SHISA9: variants seen among roughly 807,000 people sequenced by gnomAD.
SHISA9 encodes shisa family member 9.
In SHISA9, 13 loss-of-function variants were observed where a neutral mutation model predicts 38.0. The observed-to-expected ratio is 0.34, with a 90% confidence interval of 0.22 to 0.54. The LOEUF is 0.54. SHISA9 is among the 20% of genes least tolerant of loss of function. SHISA9 has a pLI of 0.91. For synonymous variants in SHISA9, 275 were observed against 242.0 expected (o/e 1.14, Z -1.27); for missense variants, 538 against 575.8 (o/e 0.93, Z 0.67).
At position 13,235,832 on chromosome 16, in the gene SHISA9, T is replaced by C. The variant is rs1040941531; in HGVS notation, c.*423T>C. The C allele has an allele frequency of 6.1e-6, 1 of 163,358 alleles. No homozygotes were observed. The highest frequency in any genetic ancestry group is 1.3e-5 in the Non-Finnish European group (1 of 75,640). The allele number at this position is 163,358 out of a possible 1,614,324, so 10.1% of individuals were successfully genotyped here. ...TACACTACTTGCCACGTGCTGTCTG[T>C]TTCTAGGTTCGAAAGCCAGGGTGGA... On this transcript the variant is annotated 3_prime_UTR_variant, in exon 5 of 5. Transcript: ENST00000558583.
At chr16:13,400,342 T>C in the SHISA9 span, among the ~76,000 whole-genome samples, 5 of 143,826 alleles carry the variant, frequency 3.5e-5, no homozygotes, top group Non-Finnish European at 6.0e-5. Flanking sequence ...TTCTCTTCCC[T>C]GTCTCTCTTC....
intron 2 of SHISA9, among the ~76,000 whole-genome samples, chr16:13,012,809 T>A (rs998256442): frequency 6.6e-6 from 1 of 152,146 alleles, no homozygotes; most frequent in South Asian, 2.1e-4. Flanking sequence ...TCCTCCCTGG[T>A]CTTGTAGTGC....
At chr16:13,131,671 T>C (rs2050307963) in intron 2 of SHISA9, among the ~76,000 whole-genome samples, 1 of 152,102 alleles carries the variant, frequency 6.6e-6, no homozygotes, top group African/African-American at 2.4e-5. Flanking sequence ...GTGACAGCCA[T>C]ATTTGGCCTA....
intron 2 of SHISA9, among the ~76,000 whole-genome samples, chr16:13,178,357 T>A (rs887354763): frequency 2.0e-5 from 3 of 151,630 alleles, no homozygotes; most frequent in Non-Finnish European, 4.4e-5. Context: ...ATCTGTTAAA[T>A]TTTTAATGGG....
chr16:12,911,336 AGTTG>A, intron 1 of SHISA9: 7 of 985,464 alleles, frequency 7.1e-6, no homozygotes, highest in Non-Finnish European at 8.4e-6. Context: ...TGGAGCACAT[AGTTG>A]GTTCTTTCTA....
At chr16:13,416,066 T>G in the SHISA9 span, among the ~76,000 whole-genome samples, 2 of 152,130 alleles carry the variant, frequency 1.3e-5, no homozygotes, top group Non-Finnish European at 2.9e-5. Flanking sequence ...CTGTGATTGG[T>G]TTGTGAAAAT....
the SHISA9 span, among the ~76,000 whole-genome samples, chr16:13,323,385 T>A: frequency 1.3e-5 from 2 of 152,182 alleles, no homozygotes; most frequent in Admixed American, 6.5e-5. Context: ...TCCTCAGTCA[T>A]TGAGTGGAAG....
At chr16:13,196,396 C>CAAAAAAAAA (rs372256944) in intron 2 of SHISA9, among the ~76,000 whole-genome samples, 4 of 101,354 alleles carry the variant, frequency 3.9e-5, no homozygotes, top group East Asian at 2.9e-4. Flanking sequence ...GACTCCGTCT[C>CAAAAAAAAA]AAAAAAAAAA....
At chr16:13,168,555 C>T (rs1284217175) in intron 2 of SHISA9, among the ~76,000 whole-genome samples, 1 of 152,184 alleles carries the variant, frequency 6.6e-6, no homozygotes, top group African/African-American at 2.4e-5. Flanking sequence ...AACTGCAAAG[C>T]CTTGTCTCTC....
At chr16:13,482,928 G>A in the SHISA9 span, among the ~76,000 whole-genome samples, 1 of 152,158 alleles carries the variant, frequency 6.6e-6, no homozygotes, top group Non-Finnish European at 1.5e-5. Flanking sequence ...TAAGGTGAGA[G>A]TGTGGCTGGT....
At chr16:12,936,778 C>T (rs770931610) in intron 2 of SHISA9, among the ~76,000 whole-genome samples, 20 of 152,270 alleles carry the variant, frequency 1.3e-4, no homozygotes, top group African/African-American at 1.9e-4. Flanking sequence ...GATCTCTACA[C>T]GAGACAAGAC....
chr16:12,994,067 T>G (rs2072425221), intron 2 of SHISA9, among the ~76,000 whole-genome samples: 1 of 152,190 alleles, frequency 6.6e-6, no homozygotes, highest in Non-Finnish European at 1.5e-5. Flanking sequence ...GGGAAGCTTG[T>G]GTAAGGTTTT....
chr16:13,405,126 A>G, the SHISA9 span, among the ~76,000 whole-genome samples: 2 of 152,246 alleles, frequency 1.3e-5, no homozygotes, highest in Non-Finnish European at 2.9e-5. Flanking sequence ...AGGGATGGCT[A>G]TAGTGTAGCA....
intron 2 of SHISA9, among the ~76,000 whole-genome samples, chr16:13,102,113 C>T (rs2073884640): frequency 6.6e-6 from 1 of 152,164 alleles, no homozygotes; most frequent in Admixed American, 6.5e-5. Flanking sequence ...TTTGAGTTTG[C>T]ATCCCTTGAA....
At chr16:13,103,563 G>T (rs975905510) in intron 2 of SHISA9, among the ~76,000 whole-genome samples, 2 of 152,126 alleles carry the variant, frequency 1.3e-5, no homozygotes, top group Non-Finnish European at 2.9e-5. Context: ...AACCCAACCT[G>T]CCTAGGCCTC....
chr16:13,225,285 TG>T (rs1305513606), intron 4 of SHISA9, among the ~76,000 whole-genome samples: 1 of 152,168 alleles, frequency 6.6e-6, no homozygotes, highest in African/African-American at 2.4e-5. Context: ...TTCTGGCCTT[TG>T]GAACTGCAAG....
At position 13,235,202 on chromosome 16, in the gene SHISA9, C is replaced by G; in HGVS notation, c.1068C>G (p.Pro356=). Residue 356 remains proline (P), a synonymous_variant, in exon 5 of 5, where the codon CCC becomes CCG. Transcript: ENST00000558583. Reference sequence around the variant, plus strand: ...AGAAGTCCCGCACCAACAAGATGCCCCCACATCCCCTGGCCTACACCTCTA... The same window carrying G: ...AGAAGTCCCGCACCAACAAGATGCCGCCACATCCCCTGGCCTACACCTCTA... ...NGQKSRTNKM[P]PHPLAYTSTT... The G allele has an allele frequency of 6.4e-7, 1 of 1,551,764 alleles. No homozygotes were observed. The highest frequency in any genetic ancestry group is 8.7e-7 in the Non-Finnish European group (1 of 1,147,004).
intron 2 of SHISA9, among the ~76,000 whole-genome samples, chr16:13,163,631 T>G (rs1289230924): frequency 1.3e-5 from 2 of 152,118 alleles, no homozygotes; most frequent in Admixed American, 6.5e-5. Context: ...ACATGACATA[T>G]TTCTACATTT....
chr16:13,442,952 A>G, the SHISA9 span, among the ~76,000 whole-genome samples: 2 of 152,192 alleles, frequency 1.3e-5, no homozygotes, highest in African/African-American at 4.8e-5. Context: ...TTGCACACCA[A>G]ATAAAAATAG....
Sources: gnomAD v4.1 joint callset for allele counts (sites outside exome capture counted in the v4.1 genomes callset) on GRCh38, gnomAD v4.1.1 for gene constraint, MANE v1.5 for transcripts, NCBI Gene and HGNC (gene_info 2026-07-23, HGNC 2026-07-21) for gene names.